Variants in CDH13 observed in about 807,000 individuals in gnomAD.
The protein encoded by CDH13 is cadherin-13.
A neutral mutation model predicts 63.8 loss-of-function variants in CDH13; 24 were observed. The ratio of observed to expected loss-of-function variants is 0.38; its 90% CI spans 0.27 to 0.53. CDH13 has a LOEUF of 0.53. Among genes scored for constraint, CDH13 ranks in the 20% least tolerant of loss-of-function variants. The pLI, the probability that CDH13 is intolerant of heterozygous loss-of-function variation, is 0.85. For synonymous variants in CDH13, 503 were observed against 355.3 expected, an observed-to-expected ratio of 1.42 and a Z score of -4.67; for missense variants, 1,049 against 903.1, an observed-to-expected ratio of 1.16 and a Z score of -2.07.
chr16:83,351,953 G>A (rs887219676), intron 6 of CDH13, among the ~76,000 whole-genome samples: 2 of 152,180 alleles, frequency 1.3e-5, no homozygotes, highest in African/African-American at 4.8e-5. Context: ...CATTTCACTA[G>A]CTGTTTTGTA....
At chr16:83,535,600 A>C (rs1003967898) in intron 7 of CDH13, among the ~76,000 whole-genome samples, 3 of 152,212 alleles carry the variant, frequency 2.0e-5, no homozygotes, top group African/African-American at 7.2e-5. Flanking sequence ...TGAGATCTCA[A>C]CATGGGGAAG....
intron 2 of CDH13, among the ~76,000 whole-genome samples, chr16:82,929,651 CAAAAAAAA>C (rs71146097): frequency 2.1e-3 from 91 of 44,272 alleles, no homozygotes; most frequent in East Asian, 4.6e-3. Flanking sequence ...GACTCCATCT[CAAAAAAAA>C]AAAAAAAAAA....
chr16:83,340,021 A>T (rs1293474562), intron 5 of CDH13, among the ~76,000 whole-genome samples: 3 of 152,100 alleles, frequency 2.0e-5, no homozygotes, highest in East Asian at 1.9e-4. Flanking sequence ...GCCCCCCAAC[A>T]CTCATCACCA....
intron 5 of CDH13, among the ~76,000 whole-genome samples, chr16:83,340,333 C>T (rs911068864): frequency 6.5e-5 from 8 of 122,792 alleles, no homozygotes; most frequent in African/African-American, 1.5e-4. Flanking sequence ...TGTGTATGTG[C>T]GCATGTGCGT....
intron 10 of CDH13, among the ~76,000 whole-genome samples, chr16:83,688,731 T>C (rs766285580): frequency 1.3e-5 from 2 of 152,224 alleles, no homozygotes; most frequent in Admixed American, 6.5e-5. Context: ...AGCGGTGTTG[T>C]TCCATTGTAA....
intron 5 of CDH13, among the ~76,000 whole-genome samples, chr16:83,334,654 G>A (rs2090553771): frequency 6.6e-6 from 1 of 152,046 alleles, no homozygotes; most frequent in Non-Finnish European, 1.5e-5. Context: ...GAGATTACAG[G>A]CATGAGCCAC....
At chr16:82,934,393 T>TG (rs201077949) in intron 2 of CDH13, among the ~76,000 whole-genome samples, 1 of 152,106 alleles carries the variant, frequency 6.6e-6, no homozygotes, top group Non-Finnish European at 1.5e-5. Flanking sequence ...TGCACACAGC[T>TG]GGGGGGCCCT....
intron 10 of CDH13, among the ~76,000 whole-genome samples, chr16:83,711,474 G>C (rs1457164289): frequency 1.3e-5 from 2 of 152,116 alleles, no homozygotes; most frequent in East Asian, 1.9e-4. Context: ...GTGGTTGTTT[G>C]TTTGTTTGGT....
intron 6 of CDH13, among the ~76,000 whole-genome samples, chr16:83,391,799 C>T (rs552429687): frequency 5.3e-5 from 8 of 152,298 alleles, no homozygotes; most frequent in Non-Finnish European, 1.0e-4. Context: ...AAACAAAAAA[C>T]AAGATCACCT....
At chr16:82,947,984 A>T (rs908656276) in intron 2 of CDH13, among the ~76,000 whole-genome samples, 2 of 152,202 alleles carry the variant, frequency 1.3e-5, no homozygotes, top group Admixed American at 6.5e-5. Flanking sequence ...TATTGAATTC[A>T]TTTGGCATTC....
rs115303227 is a variant in CDH13, at chr16:83,758,002, G to A, written c.1681+9752G>A. ...AAATTAGCTGGGTATGGTGGTGCAC[G>A]CCTGTAATCCCAGCTGCACTCTGTC... On this transcript the variant is annotated intron_variant, in intron 11 of 13. Coordinates refer to ENST00000567109, the MANE Select transcript of CDH13 (RefSeq NM_001257.5). 3.7e-3 allele frequency among the ~76,000 whole-genome samples: 554 copies of A among 151,464 alleles called. 3 individuals carry two copies. Among genetic ancestry groups the A allele is most frequent in the African/African-American group, 0.013 (521 of 41,234 alleles).
At chr16:83,319,642 A>G (rs1412624846) in intron 5 of CDH13, among the ~76,000 whole-genome samples, 1 of 152,230 alleles carries the variant, frequency 6.6e-6, no homozygotes, top group African/African-American at 2.4e-5. Context: ...AAAACTAGTG[A>G]TAAAGGAGTG....
intron 8 of CDH13, among the ~76,000 whole-genome samples, chr16:83,636,139 A>C (rs78042822): frequency 2.0e-5 from 3 of 151,158 alleles, no homozygotes; most frequent in Non-Finnish European, 4.4e-5. Flanking sequence ...GTATTTGTGC[A>C]GGTCTATTCC....
intron 6 of CDH13, among the ~76,000 whole-genome samples, chr16:83,442,138 C>T (rs973623976): frequency 3.9e-5 from 6 of 152,172 alleles, no homozygotes; most frequent in Non-Finnish European, 8.8e-5. Context: ...CATGCTCCTC[C>T]AATGCCACCT....
chr16:83,334,004 G>A (rs1007147487), intron 5 of CDH13, among the ~76,000 whole-genome samples: 2 of 152,076 alleles, frequency 1.3e-5, no homozygotes, highest in African/African-American at 4.8e-5. Context: ...GGTGTCCGCA[G>A]GGCTACCTTC....
rs145742149 is a variant in CDH13, at chr16:83,049,367, C to T, written c.366+17149C>T. Among the ~76,000 whole-genome samples the T allele has an allele frequency of 1.1e-3, 133 of 123,328 alleles. 1 individual carries two copies. The Middle Eastern group carries it at 0.084, about 78-fold the overall frequency. The allele number at this position is 123,328 out of a possible 152,430, so 80.9% of individuals were successfully genotyped here. A position where few individuals can be genotyped will look rare whatever the true frequency, so the allele number is the denominator to read the frequency against. On this transcript the variant is annotated intron_variant, in intron 3 of 13. Coordinates refer to ENST00000567109, the MANE Select transcript of CDH13 (RefSeq NM_001257.5). ...TTTTTGAGACAGAGTCTCACTCTGT[C>T]GCCCAGGTTGGGGTTGGAGTGCAGT...
intron 6 of CDH13, among the ~76,000 whole-genome samples, chr16:83,434,984 AATATAT>A (rs34092245): frequency 6.9e-6 from 1 of 144,200 alleles, no homozygotes; most frequent in African/African-American, 2.5e-5. Context: ...TAAATAAATA[AATATAT>A]ATATATATGT....
At chr16:83,370,746 C>G (rs946518740) in intron 6 of CDH13, among the ~76,000 whole-genome samples, 1 of 152,170 alleles carries the variant, frequency 6.6e-6, no homozygotes, top group African/African-American at 2.4e-5. Context: ...TTCTTTGTTA[C>G]TTTGCTTAGG....
chr16:83,761,707 C>T (rs1007729200), intron 11 of CDH13, among the ~76,000 whole-genome samples: 7 of 152,228 alleles, frequency 4.6e-5, no homozygotes, highest in Middle Eastern at 3.4e-3. Context: ...AACCTTTAGG[C>T]GGAACTTAGC....
Sources: allele counts gnomAD v4.1 joint callset (sites outside exome capture counted in the v4.1 genomes callset), GRCh38; gene constraint gnomAD v4.1.1; transcripts MANE v1.5; gene names NCBI Gene and HGNC (gene_info 2026-07-23, HGNC 2026-07-21).